IL1RAPL2: variants seen among roughly 807,000 people sequenced by gnomAD.
IL1RAPL2 encodes interleukin 1 receptor accessory protein like 2.
In IL1RAPL2, 3 loss-of-function variants were observed where a neutral mutation model predicts 44.1. The observed-to-expected ratio is 0.07, with a 90% CI of 0.03 to 0.18. The LOEUF (loss-of-function observed/expected upper bound fraction) is 0.18. Among genes scored for constraint, IL1RAPL2 ranks in the 10% least tolerant of loss-of-function variants. IL1RAPL2 has a pLI of 1.00. For missense variants in IL1RAPL2, 391 were observed against 496.4 expected, an observed-to-expected ratio of 0.79 and a Z score of 2.02; for synonymous variants, 181 against 178.8, an observed-to-expected ratio of 1.01 and a Z score of -0.10.
At chrX:105,019,591 T>TA (rs886621032) in intron 2 of IL1RAPL2, among the ~76,000 whole-genome samples, 3 of 111,520 alleles carry the variant, frequency 2.7e-5, no homozygotes, top group African/African-American at 9.7e-5. Context: ...TATTGCTTGC[T>TA]AAAAAATACT....
intron 2 of IL1RAPL2, among the ~76,000 whole-genome samples, chrX:104,835,097 C>T (rs1345309031): frequency 2.7e-5 from 3 of 111,640 alleles, no homozygotes; most frequent in Non-Finnish European, 5.6e-5. Flanking sequence ...TATCTTACTC[C>T]TACTCCTTCA....
At chrX:105,173,309 G>A (rs2033441542) in intron 2 of IL1RAPL2, among the ~76,000 whole-genome samples, 1 of 112,036 alleles carries the variant, frequency 8.9e-6, no homozygotes, top group Non-Finnish European at 1.9e-5. Context: ...TAACAACTGC[G>A]GGTTTGCCCG....
chrX:105,176,216 T>C (rs2033472442), intron 2 of IL1RAPL2, among the ~76,000 whole-genome samples: 1 of 110,903 alleles, frequency 9.0e-6, no homozygotes, highest in Non-Finnish European at 1.9e-5. Context: ...ATATATTTAA[T>C]CCTCTAACAT....
At chrX:105,437,944 A>G (rs2035893090) in intron 5 of IL1RAPL2, among the ~76,000 whole-genome samples, 2 of 112,089 alleles carry the variant, frequency 1.8e-5, no homozygotes, top group African/African-American at 6.5e-5. Context: ...GGCTAAAAGT[A>G]TGAGATTAAT....
At chrX:105,615,086 C>T (rs1174262453) in intron 6 of IL1RAPL2, among the ~76,000 whole-genome samples, 1 of 112,066 alleles carries the variant, frequency 8.9e-6, no homozygotes, top group Admixed American at 9.4e-5. Flanking sequence ...AGCTGCTTAG[C>T]ATCATTGATT....
At chrX:104,913,285 C>T (rs1441587732) in intron 2 of IL1RAPL2, among the ~76,000 whole-genome samples, 2 of 108,958 alleles carry the variant, frequency 1.8e-5, no homozygotes, top group South Asian at 7.6e-4. Context: ...TAGTTGCTTT[C>T]GATTTTCTAA....
chrX:105,279,677 A>C (rs1162754366), intron 5 of IL1RAPL2, among the ~76,000 whole-genome samples: 1 of 111,146 alleles, frequency 9.0e-6, no homozygotes, highest in Admixed American at 9.5e-5. Context: ...ATGGGGTTTC[A>C]CCATGTTGAC....
intron 2 of IL1RAPL2, among the ~76,000 whole-genome samples, chrX:104,868,258 A>G (rs1466957672): frequency 8.9e-6 from 1 of 112,176 alleles, no homozygotes; most frequent in African/African-American, 3.2e-5. Context: ...CAAGATTGAG[A>G]ATATATTCTT....
chrX:105,010,531 C>T (rs1168208197), intron 2 of IL1RAPL2, among the ~76,000 whole-genome samples: 1 of 111,401 alleles, frequency 9.0e-6, no homozygotes, highest in African/African-American at 3.2e-5. Context: ...TGGCCATTTC[C>T]CCCACCTTAA....
intron 5 of IL1RAPL2, among the ~76,000 whole-genome samples, chrX:105,425,981 T>C (rs773537968): frequency 9.2e-6 from 1 of 109,043 alleles, no homozygotes; most frequent in South Asian, 4.1e-4. Context: ...CCAAAACATG[T>C]ATCAAAATCT....
chrX:105,309,749 GTTTTTAAAATTTTGGGGGTTTGTATAT>G (rs1354810488), intron 5 of IL1RAPL2, among the ~76,000 whole-genome samples: 13 of 106,673 alleles, frequency 1.2e-4, no homozygotes, highest in African/African-American at 4.3e-4. Flanking sequence ...AAAAAAATCT[GTTTTTAAAATTTTGGGGGTTTGTATAT>G]TATTGGATTG....
intron 5 of IL1RAPL2, among the ~76,000 whole-genome samples, chrX:105,342,557 C>A (rs1001541395): frequency 9.0e-6 from 1 of 111,487 alleles, no homozygotes; most frequent in Non-Finnish European, 1.9e-5. Context: ...AATGGAAGAT[C>A]GCTAGATAGC....
intron 6 of IL1RAPL2, among the ~76,000 whole-genome samples, chrX:105,508,384 T>A (rs1236797303): frequency 1.8e-5 from 2 of 111,096 alleles, no homozygotes; most frequent in East Asian, 5.7e-4. Flanking sequence ...CTCATGGCCA[T>A]AAGTTATAGA....
At chrX:105,347,392 G>A (rs939614804) in intron 5 of IL1RAPL2, among the ~76,000 whole-genome samples, 11 of 111,674 alleles carry the variant, frequency 9.9e-5, no homozygotes, top group African/African-American at 3.6e-4. Flanking sequence ...GCTAATAATA[G>A]CACCTACCCT....
rs774443902 is a variant in IL1RAPL2, at chrX:105,508,644, C to T, written c.772+24257C>T. 3.9e-5 allele frequency among the ~76,000 whole-genome samples: 4 copies of T among 102,065 alleles called. No individual in the cohort carries two copies. The East Asian group carries it at 1.2e-3, about 31-fold the overall frequency. The allele number at this position is 102,065 out of a possible 115,157, so 88.6% of individuals were successfully genotyped here. ...CCACAGAAGGCCCTTCAGAAGCTGGCAGAAAAGAAAAAAAAAATGAAAGCT... is the reference window on the plus strand; with the variant it reads ...CCACAGAAGGCCCTTCAGAAGCTGGTAGAAAAGAAAAAAAAAATGAAAGCT... On this transcript the variant is annotated intron_variant, in intron 6 of 10. Coordinates refer to ENST00000372582, the MANE Select transcript of IL1RAPL2 (RefSeq NM_017416.2).
At chrX:105,201,100 A>G (rs1402437446) in intron 3 of IL1RAPL2, among the ~76,000 whole-genome samples, 1 of 111,937 alleles carries the variant, frequency 8.9e-6, no homozygotes, top group Non-Finnish European at 1.9e-5. Context: ...GCATAATCCC[A>G]ATATTTTTGG....
chrX:104,882,619 A>G (rs1923101792), intron 2 of IL1RAPL2, among the ~76,000 whole-genome samples: 1 of 111,565 alleles, frequency 9.0e-6, no homozygotes, highest in Non-Finnish European at 1.9e-5. Context: ...AGCACTCTGT[A>G]AAAGTGGACC....
intron 1 of IL1RAPL2, among the ~76,000 whole-genome samples, chrX:104,602,896 G>T (rs1209480992): frequency 2.7e-5 from 3 of 111,713 alleles, no homozygotes; most frequent in Non-Finnish European, 5.6e-5. Context: ...AGTTGTGGGC[G>T]AAGCTTCAGC....
intron 2 of IL1RAPL2, among the ~76,000 whole-genome samples, chrX:105,019,117 T>G (rs1442447551): frequency 8.9e-6 from 1 of 111,994 alleles, no homozygotes; most frequent in Non-Finnish European, 1.9e-5. Context: ...TTTAGTCAAT[T>G]ATAAACCAAG....
Sources: gnomAD v4.1 joint callset for allele counts (sites outside exome capture counted in the v4.1 genomes callset) on GRCh38, gnomAD v4.1.1 for gene constraint, MANE v1.5 for transcripts, NCBI Gene and HGNC (gene_info 2026-07-23, HGNC 2026-07-21) for gene names.